SPTLC2: variants seen among roughly 807,000 people sequenced by gnomAD.
SPTLC2 encodes serine palmitoyltransferase long chain base subunit 2.
SPTLC2 carries 21 observed loss-of-function variants against 62.0 expected under a neutral mutation model. The observed-to-expected ratio is 0.34, with a 90% CI of 0.24 to 0.49. SPTLC2 has a LOEUF of 0.49. Ranked by LOEUF, SPTLC2 falls within the 20% of genes least tolerant of loss-of-function variation. The probability of loss-of-function intolerance (pLI) is 0.99; values close to 1 mark genes in which losing one functional copy is unlikely to be tolerated. For synonymous variants in SPTLC2, 261 were observed against 261.8 expected, an observed-to-expected ratio of 1.00 and a Z score of 0.03; for missense variants, 511 against 713.0, an observed-to-expected ratio of 0.72 and a Z score of 3.23.
At chr14:77,553,656 A>C (rs2079567036) in intron 8 of SPTLC2, among the ~76,000 whole-genome samples, 1 of 143,400 alleles carries the variant, frequency 7.0e-6, no homozygotes, top group Non-Finnish European at 1.5e-5. Context: ...GCTTGATCCC[A>C]GGAGGCGGAG....
intron 9 of SPTLC2, among the ~76,000 whole-genome samples, chr14:77,528,810 CTGTTTCAAAGGTCTTATT>C (rs2079421773): frequency 6.6e-6 from 1 of 151,940 alleles, no homozygotes; most frequent in South Asian, 2.1e-4. Context: ...CTTTAATCAT[CTGTTTCAAAGGTCTTATT>C]TTTGTTATTT....
At chr14:77,516,540 C>G (rs1377411153) in intron 11 of SPTLC2, among the ~76,000 whole-genome samples, 3 of 151,630 alleles carry the variant, frequency 2.0e-5, no homozygotes, top group African/African-American at 7.3e-5. Flanking sequence ...GCTGAAATCT[C>G]TAGGTTAAAA....
intron 8 of SPTLC2, 104 bp downstream of exon 8, chr14:77,555,196 A>C (rs2079575865): frequency 7.4e-7 from 1 of 1,346,262 alleles, no homozygotes; most frequent in Non-Finnish European, 1.1e-6. Flanking sequence ...CCAGAGGCAA[A>C]TTTGCGGACA....
chr14:77,559,890 C>CA (rs1034350517), intron 6 of SPTLC2, among the ~76,000 whole-genome samples: 5 of 150,986 alleles, frequency 3.3e-5, no homozygotes, highest in African/African-American at 9.7e-5. Flanking sequence ...GACCCTGTCT[C>CA]AAAAAAATAA....
At chr14:77,526,755 T>C (rs1168955498) in intron 9 of SPTLC2, among the ~76,000 whole-genome samples, 2 of 152,078 alleles carry the variant, frequency 1.3e-5, no homozygotes, top group Non-Finnish European at 2.9e-5. Flanking sequence ...GGAATAGATA[T>C]AAAAGATCAA....
At chr14:77,513,809 C>T (rs2079345180) in intron 11 of SPTLC2, among the ~76,000 whole-genome samples, 1 of 150,854 alleles carries the variant, frequency 6.6e-6, no homozygotes, top group Non-Finnish European at 1.5e-5. Flanking sequence ...GCAGGAGAAT[C>T]GCTTGAACCC....
At chr14:77,571,490 C>T (rs2079682455) in intron 4 of SPTLC2, among the ~76,000 whole-genome samples, 1 of 132,586 alleles carries the variant, frequency 7.5e-6, no homozygotes, top group African/African-American at 2.9e-5. Context: ...GCCTAGGCAA[C>T]AGAGCGAGAC....
chr14:77,530,231 T>A (rs1162799880), intron 9 of SPTLC2, among the ~76,000 whole-genome samples: 6 of 152,026 alleles, frequency 3.9e-5, no homozygotes, highest in Admixed American at 6.6e-5. Flanking sequence ...AATCAGGTAA[T>A]GCTTTCAAAA....
chr14:77,513,013 C>A (rs2079340365), intron 11 of SPTLC2, among the ~76,000 whole-genome samples: 6 of 81,752 alleles, frequency 7.3e-5, no homozygotes, highest in Non-Finnish European at 1.0e-4. Flanking sequence ...ACGAACCCAG[C>A]AACTTTTTTT....
chr14:77,518,297 T>A, intron 10 of SPTLC2, 130 bp from the exon 11 acceptor site: 3 of 1,320,650 alleles, frequency 2.3e-6, no homozygotes, highest in Non-Finnish European at 3.2e-6. Flanking sequence ...GGAGTTTCCT[T>A]TAACTCCTTT....
chr14:77,549,131 G>A (rs955632870), intron 9 of SPTLC2, among the ~76,000 whole-genome samples: 9 of 151,782 alleles, frequency 5.9e-5, no homozygotes, highest in Non-Finnish European at 1.3e-4. Flanking sequence ...TGAATGGCTT[G>A]CTGCCATCCT....
intron 10 of SPTLC2, among the ~76,000 whole-genome samples, chr14:77,520,213 TAAA>T (rs1356193209): frequency 6.6e-6 from 1 of 152,190 alleles, no homozygotes; most frequent in Non-Finnish European, 1.5e-5. Context: ...GAATTCCACT[TAAA>T]GAAGAATGAA....
intron 9 of SPTLC2, among the ~76,000 whole-genome samples, chr14:77,528,360 T>C (rs2079419393): frequency 6.6e-6 from 1 of 151,986 alleles, no homozygotes; most frequent in Non-Finnish European, 1.5e-5. Flanking sequence ...GCCTCCCGAG[T>C]AGCTGGGATT....
In SPTLC2 at chr14:77,507,383, T is replaced by A. The variant is rs1311754797; in HGVS notation, c.*4901A>T. On this transcript the variant is annotated 3_prime_UTR_variant, in exon 12 of 12. Coordinates refer to ENST00000216484, the MANE Select transcript of SPTLC2 (RefSeq NM_004863.4). The stretch of plus-strand genomic sequence containing the variant: ...TCTCCCTCTGTCGCCAAGGCTGGAG[T>A]GCAGTGGTGTGATCTTGGCTCATTG... 1 of 148,770 alleles carries A rather than the reference T, an allele frequency of 6.7e-6. No homozygotes were observed. Among genetic ancestry groups the A allele is most frequent in the Non-Finnish European group, 1.5e-5 (1 of 67,776 alleles). 9.2% of individuals were successfully genotyped at this position (148,770 alleles called of 1,614,324 possible).
At chr14:77,610,032 C>T (rs1284158570) in intron 1 of SPTLC2, among the ~76,000 whole-genome samples, 1 of 152,208 alleles carries the variant, frequency 6.6e-6, no homozygotes, top group Non-Finnish European at 1.5e-5. Context: ...TTTATAATCC[C>T]ACCAGCAATG....
In SPTLC2 at chr14:77,511,961, C is replaced by T; in HGVS notation, c.*323G>A. On this transcript the variant is annotated 3_prime_UTR_variant, in exon 12 of 12. Transcript: ENST00000216484. The stretch of plus-strand genomic sequence containing the variant: ...GCAAGGTGCTGGGAGAGGGGAATGG[C>T]CTGTGTGGTTAGCCAGAGACAGGCT... The T allele has an allele frequency of 5.4e-6, 2 of 367,084 alleles. No homozygotes were observed. The highest frequency in any genetic ancestry group is 2.2e-5 in the South Asian group (1 of 45,668). The allele number at this position is 367,084 out of a possible 1,614,324, so 22.7% of individuals were successfully genotyped here.
chr14:77,544,942 C>T (rs995357732), intron 9 of SPTLC2, among the ~76,000 whole-genome samples: 1 of 152,096 alleles, frequency 6.6e-6, no homozygotes, highest in African/African-American at 2.4e-5. Flanking sequence ...TCACTCCCAC[C>T]CTGTTCCTTG....
At chr14:77,538,373 A>G (rs1449728045) in intron 9 of SPTLC2, among the ~76,000 whole-genome samples, 3 of 152,204 alleles carry the variant, frequency 2.0e-5, no homozygotes, top group African/African-American at 7.2e-5. Flanking sequence ...TACCTGAGCT[A>G]ATTTTATTCT....
intron 5 of SPTLC2, among the ~76,000 whole-genome samples, chr14:77,568,896 T>C (rs1347109221): frequency 6.6e-6 from 1 of 152,168 alleles, no homozygotes; most frequent in Non-Finnish European, 1.5e-5. Flanking sequence ...CAATTTCTGC[T>C]TCACGTACTT....
Sources: allele counts gnomAD v4.1 joint callset (sites outside exome capture counted in the v4.1 genomes callset), GRCh38; gene constraint gnomAD v4.1.1; transcripts MANE v1.5; gene names NCBI Gene and HGNC (gene_info 2026-07-23, HGNC 2026-07-21).